The following DIP2B variants were observed in gnomAD, a reference collection of about 807,000 sequenced individuals.
DIP2B encodes the protein DIP2 acetate--CoA ligase B (putative), also known as disco-interacting protein 2 homolog B.
DIP2B carries 76 observed loss-of-function variants against 198.0 expected under a neutral mutation model. The observed-to-expected ratio is 0.38, with a 90% CI of 0.32 to 0.46. DIP2B has a LOEUF of 0.46. Ranked by LOEUF, DIP2B falls within the 20% of genes least tolerant of loss-of-function variation. The pLI is 0.99. For missense variants in DIP2B, 1,559 were observed against 1,978.4 expected, an observed-to-expected ratio of 0.79 and a Z score of 4.02; for synonymous variants, 701 against 739.1, an observed-to-expected ratio of 0.95 and a Z score of 0.84.
intron 1 of DIP2B, among the ~76,000 whole-genome samples, chr12:50,582,842 A>G (rs1040652631): frequency 5.9e-5 from 9 of 151,988 alleles, no homozygotes; most frequent in African/African-American, 2.4e-5. Context: ...TGGTATGCAC[A>G]TTTTTTTCTT....
chr12:50,699,003 G>A, intron 18 of DIP2B, 63 bp from the exon 19 acceptor site: 11 of 1,583,208 alleles, frequency 6.9e-6, no homozygotes, highest in Non-Finnish European at 9.5e-6. Flanking sequence ...ACAGGATGAA[G>A]CTGTTATTTT....
intron 1 of DIP2B, among the ~76,000 whole-genome samples, chr12:50,605,191 A>C (rs534430520): frequency 9.8e-5 from 15 of 152,344 alleles, no homozygotes; most frequent in African/African-American, 3.6e-4. Context: ...GTATCATACA[A>C]TATACCAATT....
rs558868422 is a variant in DIP2B at position 50,511,355 on chromosome 12, G to A, written c.100+6115G>A. On this transcript the variant is annotated intron_variant, in intron 1 of 37. Coordinates refer to ENST00000301180, the MANE Select transcript of DIP2B (RefSeq NM_173602.3). ...TGTTGCTCAGACTGTGCAGTGGCAC[G>A]ACCTTGGCTCACCACAACCCCCGCC... is the stretch of plus-strand genomic sequence containing the variant. Among the ~76,000 whole-genome samples the A allele has an allele frequency of 6.0e-4, 77 of 127,870 alleles. 2 individuals carry two copies. The highest frequency in any genetic ancestry group is 2.1e-3 in the African/African-American group (71 of 33,586). 83.9% of individuals were successfully genotyped at this position (127,870 alleles called of 152,430 possible).
At chr12:50,540,232 C>T (rs55680342) in intron 1 of DIP2B, among the ~76,000 whole-genome samples, 36,979 of 150,338 alleles carry the variant, frequency 0.25, 5,252 homozygotes, top group East Asian at 0.39. Flanking sequence ...CTCAGCCTCC[C>T]GAGTAGCTGG....
intron 9 of DIP2B, among the ~76,000 whole-genome samples, chr12:50,682,413 C>G (rs951370987): frequency 2.0e-5 from 3 of 152,036 alleles, no homozygotes; most frequent in African/African-American, 7.2e-5. Context: ...ATCACGAGGT[C>G]AGGAGATCGA....
In DIP2B at chr12:50,664,830, GTTTTTGTTTTTT is replaced by G. The variant is rs1938719374; in HGVS notation, c.427+4517_427+4528del. On this transcript the variant is annotated intron_variant, in intron 4 of 37. Coordinates refer to ENST00000301180, the MANE Select transcript of DIP2B (RefSeq NM_173602.3). ...CAAGGAGAATTTCCCTCCTTTTTTG[GTTTTTGTTTTTT>G]TTTTTTTTTTTTTTTTTTTTTTTTT... Among the ~76,000 whole-genome samples, 241 of 99,638 alleles carry G rather than the reference GTTTTTGTTTTTT, an allele frequency of 2.4e-3. 45 individuals are homozygous for G. The highest frequency in any genetic ancestry group is 9.6e-3 in the African/African-American group (229 of 23,968). The allele number at this position is 99,638 out of a possible 152,430, so 65.4% of individuals were successfully genotyped here.
At chr12:50,511,993 G>A (rs1235662926) in intron 1 of DIP2B, among the ~76,000 whole-genome samples, 3 of 145,928 alleles carry the variant, frequency 2.1e-5, no homozygotes, top group South Asian at 4.3e-4. Context: ...GTCTTACTAT[G>A]TTCAGCCCAG....
At chr12:50,518,693 T>C (rs1024828832) in intron 1 of DIP2B, among the ~76,000 whole-genome samples, 55 of 152,224 alleles carry the variant, frequency 3.6e-4, no homozygotes, top group African/African-American at 1.3e-3. Context: ...AGCAGAATTC[T>C]CCTGCATCTT....
chr12:50,649,729 G>A (rs1024960889), intron 3 of DIP2B, among the ~76,000 whole-genome samples: 7 of 152,050 alleles, frequency 4.6e-5, no homozygotes, highest in Non-Finnish European at 1.0e-4. Context: ...GGTGATGAGT[G>A]CCTGTAGTCC....
chr12:50,505,993 CAATG>C (rs1957965454), intron 1 of DIP2B, among the ~76,000 whole-genome samples: 2 of 150,180 alleles, frequency 1.3e-5, no homozygotes, highest in Non-Finnish European at 3.0e-5. Flanking sequence ...TTTCTTTTGA[CAATG>C]GATTGGGACA....
intron 1 of DIP2B, among the ~76,000 whole-genome samples, chr12:50,619,908 A>C (rs946577548): frequency 1.3e-5 from 2 of 152,122 alleles, no homozygotes; most frequent in Non-Finnish European, 2.9e-5. Flanking sequence ...AAACTTTTTA[A>C]AAATTAGCTG....
chr12:50,588,018 T>C (rs750544066), intron 1 of DIP2B, among the ~76,000 whole-genome samples: 3 of 152,214 alleles, frequency 2.0e-5, no homozygotes, highest in Non-Finnish European at 2.9e-5. Flanking sequence ...ATCTATACAA[T>C]ACCAATGGGT....
chr12:50,685,501 G>C (rs574134420), intron 10 of DIP2B, among the ~76,000 whole-genome samples: 3 of 152,290 alleles, frequency 2.0e-5, no homozygotes, highest in African/African-American at 7.2e-5. Context: ...GCTAGGGGAA[G>C]ATAACCATGT....
chr12:50,585,026 A>G (rs1270775128), intron 1 of DIP2B, among the ~76,000 whole-genome samples: 1 of 151,724 alleles, frequency 6.6e-6, no homozygotes, highest in Non-Finnish European at 1.5e-5. Context: ...GTCCTCTTTC[A>G]CAGCAGGATC....
intron 1 of DIP2B, among the ~76,000 whole-genome samples, chr12:50,601,636 C>T (rs940235790): frequency 5.3e-5 from 8 of 152,264 alleles, no homozygotes; most frequent in Non-Finnish European, 1.0e-4. Context: ...CCGCGCCCGG[C>T]AGCTTTTTAT....
intron 1 of DIP2B, among the ~76,000 whole-genome samples, chr12:50,554,040 G>A (rs1231794062): frequency 6.6e-6 from 1 of 152,058 alleles, no homozygotes; most frequent in Non-Finnish European, 1.5e-5. Context: ...GTATTTGAAA[G>A]AGGCAAGTAA....
intron 4 of DIP2B, among the ~76,000 whole-genome samples, chr12:50,667,818 TCTC>T (rs1938782712): frequency 6.6e-6 from 1 of 152,218 alleles, no homozygotes; most frequent in East Asian, 1.9e-4. Context: ...TTTTAACCAT[TCTC>T]CTGGGGATTA....
intron 1 of DIP2B, among the ~76,000 whole-genome samples, chr12:50,569,766 T>A (rs1958597353): frequency 6.6e-6 from 1 of 152,360 alleles, no homozygotes; most frequent in South Asian, 2.1e-4. Flanking sequence ...TATATAAATA[T>A]CAGGTAAATA....
At chr12:50,699,905 A>AG (rs1429070570) in intron 19 of DIP2B, among the ~76,000 whole-genome samples, 2 of 151,588 alleles carry the variant, frequency 1.3e-5, no homozygotes, top group African/African-American at 2.4e-5. Flanking sequence ...ACCAAAAAAA[A>AG]AAAGGGTAAG....
Sources: allele counts gnomAD v4.1 joint callset (sites outside exome capture counted in the v4.1 genomes callset), GRCh38; gene constraint gnomAD v4.1.1; transcripts MANE v1.5; gene names NCBI Gene and HGNC (gene_info 2026-07-23, HGNC 2026-07-21).